The following PREX2 variants were observed in gnomAD, a reference collection of about 807,000 sequenced individuals.
The protein encoded by PREX2 is phosphatidylinositol 3,4,5-trisphosphate-dependent Rac exchanger 2 protein.
PREX2 carries 107 observed loss-of-function variants against 203.2 expected under a neutral mutation model. The observed-to-expected ratio is 0.53, with a 90% confidence interval of 0.45 to 0.62. PREX2 has a LOEUF of 0.62. PREX2 is among the 20% of genes least tolerant of loss of function. The probability of loss-of-function intolerance (pLI) is 0.00; values close to 1 mark genes in which losing one functional copy is unlikely to be tolerated. For synonymous variants in PREX2, 672 were observed against 663.6 expected (o/e 1.01, Z -0.19); for missense variants, 1,777 against 1,955.9 (o/e 0.91, Z 1.72).
chr8:68,227,525 A>C (rs1813077308), intron 39 of PREX2, among the ~76,000 whole-genome samples: 1 of 152,212 alleles, frequency 6.6e-6, no homozygotes. Flanking sequence ...CAAGGAGAAA[A>C]GAATAGGTGG....
chr8:68,084,103 A>G (rs1809611818), intron 18 of PREX2, among the ~76,000 whole-genome samples: 1 of 152,208 alleles, frequency 6.6e-6, no homozygotes. Flanking sequence ...CATACCATGC[A>G]TATACTTGCA....
intron 22 of PREX2, among the ~76,000 whole-genome samples, chr8:68,099,070 G>A (rs532044793): frequency 1.3e-5 from 2 of 150,322 alleles, no homozygotes; most frequent in South Asian, 4.2e-4. Context: ...GATTCAAATA[G>A]TCAAAAGAAC....
intron 37 of PREX2, among the ~76,000 whole-genome samples, chr8:68,206,519 C>T (rs1491000861): frequency 6.6e-6 from 1 of 152,156 alleles, no homozygotes; most frequent in Non-Finnish European, 1.5e-5. Flanking sequence ...AAAGTTACCT[C>T]TTCTGATCTG....
chr8:68,032,921 C>G (rs761139646), intron 6 of PREX2, among the ~76,000 whole-genome samples: 8 of 152,166 alleles, frequency 5.3e-5, no homozygotes, highest in Non-Finnish European at 7.3e-5. Context: ...CTTCCACAGC[C>G]TCCTGCAGAC....
chr8:68,115,722 A>G lies in PREX2; in HGVS notation c.3147-31A>G, dbSNP rs370442298. 8 of 1,540,668 alleles carry G rather than the reference A, an allele frequency of 5.2e-6. No individual in the cohort carries two copies. In the African/African-American group the frequency reaches 5.6e-5, roughly 11 times the overall value. ...GTTATATATAGCAGACAGTTTGAAA[A>G]TGTGCATTTTTTTTTAATATTACAT... On this transcript the variant is annotated intron_variant, in intron 25 of 39. Coordinates refer to ENST00000288368, the MANE Select transcript of PREX2 (RefSeq NM_024870.4).
At position 67,952,453 on chromosome 8, in the gene PREX2, A is replaced by G; in HGVS notation, c.59A>G (p.Gln20Arg). ...RAESAKDLEK[Q>R]LRLRVCVLSE... ...GAGAGCGCCAAGGACCTGGAGAAGC[A>G]GCTTCGCCTGCGCGTGTGCGTGCTC... The change falls in exon 1 of 40, where the codon CAG (glutamine) becomes CGG (arginine). Residue 20 changes from glutamine (Q) to arginine (R), a missense_variant. Gln to Arg is a conservative substitution (Grantham distance 43). Transcript: ENST00000288368. The G allele has an allele frequency of 6.3e-7, 1 of 1,598,312 alleles. No individual in the cohort carries two copies.
At chr8:68,169,160 G>T (rs906820628) in intron 35 of PREX2, among the ~76,000 whole-genome samples, 10 of 152,088 alleles carry the variant, frequency 6.6e-5, no homozygotes, top group African/African-American at 2.2e-4. Flanking sequence ...TTGGGGTAAA[G>T]ATGGTTCCTA....
At chr8:68,171,265 A>C (rs371574912) in intron 35 of PREX2, among the ~76,000 whole-genome samples, 140 of 152,296 alleles carry the variant, frequency 9.2e-4, no homozygotes, top group African/African-American at 3.0e-3. Flanking sequence ...ATTTTCTTTA[A>C]AGAAAGTTTT....
chr8:67,989,636 A>C (rs1458336262), intron 1 of PREX2, among the ~76,000 whole-genome samples: 2 of 152,206 alleles, frequency 1.3e-5, no homozygotes, highest in Non-Finnish European at 2.9e-5. Flanking sequence ...AAAGTTTATG[A>C]CTTTACCTTA....
rs1424970870 is a variant in PREX2 at position 68,175,327 on chromosome 8, T to G, written c.4347-16395T>G. On this transcript the variant is annotated intron_variant, in intron 35 of 39. Transcript: ENST00000288368. ...GGAGCTGGCCACAGAGGACCTCAGA[T>G]GCCAGCTGAGACACTTCAGCAGAAG... Among the ~76,000 whole-genome samples the G allele has an allele frequency of 2.0e-5, 3 of 152,112 alleles. No homozygotes were observed. In the East Asian group the frequency reaches 5.8e-4, roughly 29 times the overall value.
chr8:68,027,176 G>A (rs201964036), intron 4 of PREX2, 46 bp from the exon 5 acceptor site: 183 of 1,376,932 alleles, frequency 1.3e-4, no homozygotes, highest in East Asian at 1.6e-4. Context: ...GTTTCACAGC[G>A]TGAGATTATT....
At chr8:67,956,405 T>G (rs1422569031) in intron 1 of PREX2, among the ~76,000 whole-genome samples, 2 of 152,280 alleles carry the variant, frequency 1.3e-5, no homozygotes, top group Non-Finnish European at 2.9e-5. Context: ...CTTGTTTTAA[T>G]GCTCTGCTAT....
At chr8:68,204,428 A>G (rs935749264) in intron 37 of PREX2, among the ~76,000 whole-genome samples, 4 of 152,162 alleles carry the variant, frequency 2.6e-5, no homozygotes, top group Non-Finnish European at 5.9e-5. Flanking sequence ...AGAAAGTCCC[A>G]TTATCTTTAA....
chr8:67,981,812 A>G (rs1236707768), intron 1 of PREX2, among the ~76,000 whole-genome samples: 1 of 152,190 alleles, frequency 6.6e-6, no homozygotes, highest in African/African-American at 2.4e-5. Context: ...CCTGGGCATG[A>G]GGTAAGAACT....
intron 35 of PREX2, among the ~76,000 whole-genome samples, chr8:68,167,839 C>CT (rs1265340045): frequency 6.6e-6 from 1 of 152,150 alleles, no homozygotes; most frequent in East Asian, 1.9e-4. Flanking sequence ...TTAGGAGATT[C>CT]TACTGTGCAC....
chr8:68,115,152 T>C (rs2890421), intron 25 of PREX2, among the ~76,000 whole-genome samples: 73,749 of 150,950 alleles, frequency 0.49, 18,782 homozygotes, highest in African/African-American at 0.64. Context: ...CTTAGCCTCC[T>C]GAGTAGTTGG....
chr8:68,113,818 C>T (rs1302865243), intron 25 of PREX2, among the ~76,000 whole-genome samples: 1 of 152,006 alleles, frequency 6.6e-6, no homozygotes, highest in Non-Finnish European at 1.5e-5. Flanking sequence ...AATTTGAGCT[C>T]CAAGAAGGCA....
chr8:68,087,098 C>G (rs1269703509), intron 18 of PREX2, among the ~76,000 whole-genome samples: 1 of 152,114 alleles, frequency 6.6e-6, no homozygotes, highest in Admixed American at 6.5e-5. Flanking sequence ...GGGCAACTTA[C>G]CAAGGTTATT....
intron 33 of PREX2, among the ~76,000 whole-genome samples, chr8:68,144,102 A>AT (rs1162177466): frequency 6.6e-6 from 1 of 152,158 alleles, no homozygotes; most frequent in African/African-American, 2.4e-5. Context: ...GTTTTATAGT[A>AT]AGTCTTAAAT....
Sources: gnomAD v4.1 joint callset for allele counts (sites outside exome capture counted in the v4.1 genomes callset) on GRCh38, gnomAD v4.1.1 for gene constraint, MANE v1.5 for transcripts, NCBI Gene and HGNC (gene_info 2026-07-23, HGNC 2026-07-21) for gene names.